The following SOCS5 variants were observed in gnomAD, a reference collection of about 807,000 sequenced individuals.
SOCS5 encodes the protein suppressor of cytokine signaling 5.
In SOCS5, 32 loss-of-function variants were observed where a neutral mutation model predicts 42.8. The ratio of observed to expected loss-of-function variants is 0.75; its 90% CI spans 0.56 to 1.01. The LOEUF (loss-of-function observed/expected upper bound fraction) is 1.01, where lower values mean the gene tolerates loss of function less well. Ranked by LOEUF, SOCS5 falls within the 50% of genes least tolerant of loss-of-function variation. The pLI, the probability that SOCS5 is intolerant of heterozygous loss-of-function variation, is 0.00. For synonymous variants in SOCS5, 283 were observed against 229.6 expected, an observed-to-expected ratio of 1.23 and a Z score of -2.10; for missense variants, 627 against 653.0, an observed-to-expected ratio of 0.96 and a Z score of 0.43.
intron 1 of SOCS5, among the ~76,000 whole-genome samples, chr2:46,720,094 T>C (rs893274919): frequency 5.9e-5 from 9 of 152,208 alleles, no homozygotes; most frequent in Non-Finnish European, 1.2e-4. Context: ...AGTCTTATTA[T>C]TTAACCTGAG....
At chr2:46,753,434 A>G (rs1311826598) in intron 1 of SOCS5, among the ~76,000 whole-genome samples, 1 of 152,218 alleles carries the variant, frequency 6.6e-6, no homozygotes, top group African/African-American at 2.4e-5. Flanking sequence ...GCAATACATC[A>G]TAGAAGGGAT....
rs750001013 is a variant in SOCS5 at position 46,759,506 on chromosome 2, G to A, written c.976G>A (p.Glu326Lys). Residue 326 changes from glutamate to lysine, a missense_variant, in exon 2 of 2, where the codon GAG becomes AAG. Around this residue, in one of 3 missense-constraint regions of SOCS5, gnomAD observed 340 missense variants for 367.6 expected, o/e 0.92. Coordinates refer to ENST00000394861, the MANE Select transcript of SOCS5 (RefSeq NM_144949.3). ...AIPQANCDSE[E>K]DTTTLCLQSR... ...TCCACAAGCTAATTGTGACTCGGAA[G>A]AGGATACAACCACCCTGTGTTTGCA... 1 of 1,614,006 alleles carries A rather than the reference G, an allele frequency of 6.2e-7. No individual in the cohort carries two copies.
chr2:46,722,036 A>G (rs573570234), intron 1 of SOCS5, among the ~76,000 whole-genome samples: 3 of 152,120 alleles, frequency 2.0e-5, no homozygotes, highest in Non-Finnish European at 2.9e-5. Context: ...TCTAGTATGA[A>G]TATATAATCT....
chr2:46,742,937 T>A, intron 1 of SOCS5, among the ~76,000 whole-genome samples: 1 of 152,164 alleles, frequency 6.6e-6, no homozygotes, highest in East Asian at 1.9e-4. Flanking sequence ...GTGCTGGGAT[T>A]ACAGGCATGA....
chr2:46,734,503 T>C (rs1673198894), intron 1 of SOCS5, among the ~76,000 whole-genome samples: 1 of 152,196 alleles, frequency 6.6e-6, no homozygotes, highest in African/African-American at 2.4e-5. Context: ...TAGTTCACTT[T>C]AATAGGCAGA....
At chr2:46,710,349 G>A (rs560669571) in intron 1 of SOCS5, among the ~76,000 whole-genome samples, 15 of 152,248 alleles carry the variant, frequency 9.9e-5, no homozygotes, top group African/African-American at 3.6e-4. Context: ...GTTTCACCAC[G>A]TTGGTTAGGC....
intron 1 of SOCS5, among the ~76,000 whole-genome samples, chr2:46,728,550 C>T (rs1420218352): frequency 6.6e-6 from 1 of 152,062 alleles, no homozygotes; most frequent in Non-Finnish European, 1.5e-5. Flanking sequence ...TAAATACAAG[C>T]AGGGATTTTT....
intron 1 of SOCS5, among the ~76,000 whole-genome samples, chr2:46,719,640 A>G (rs1257031635): frequency 3.3e-5 from 5 of 152,190 alleles, no homozygotes; most frequent in South Asian, 2.1e-4. Flanking sequence ...TCTTAAGCAT[A>G]TGGACCTGGT....
intron 1 of SOCS5, among the ~76,000 whole-genome samples, chr2:46,703,831 C>G (rs951558956): frequency 2.6e-5 from 4 of 152,152 alleles, no homozygotes; most frequent in African/African-American, 7.2e-5. Flanking sequence ...AGTCAGCCAG[C>G]TATCCTACTT....
chr2:46,742,958 C>G (rs564714388), intron 1 of SOCS5, among the ~76,000 whole-genome samples: 1 of 152,218 alleles, frequency 6.6e-6, no homozygotes, highest in African/African-American at 2.4e-5. Context: ...GGTTCCACGC[C>G]TGGCCTGTTT....
intron 1 of SOCS5, among the ~76,000 whole-genome samples, chr2:46,731,122 C>T (rs1383565237): frequency 6.6e-6 from 1 of 152,194 alleles, no homozygotes; most frequent in African/African-American, 2.4e-5. Context: ...GAAAGGGCTG[C>T]TGTAGACTGA....
chr2:46,708,942 A>G (rs575842437), intron 1 of SOCS5, among the ~76,000 whole-genome samples: 22 of 125,932 alleles, frequency 1.7e-4, no homozygotes, highest in Non-Finnish European at 2.8e-4. Flanking sequence ...GCTGGTATGC[A>G]GTGGTGCCAT....
chr2:46,733,972 T>C (rs937983249), intron 1 of SOCS5, among the ~76,000 whole-genome samples: 1 of 152,254 alleles, frequency 6.6e-6, no homozygotes, highest in Non-Finnish European at 1.5e-5. Flanking sequence ...AGTAACTATT[T>C]ATTAAAAGAC....
intron 1 of SOCS5, among the ~76,000 whole-genome samples, chr2:46,702,163 G>C (rs988940656): frequency 6.6e-6 from 1 of 152,102 alleles, no homozygotes; most frequent in African/African-American, 2.4e-5. Context: ...TACATAGAAA[G>C]GGTACAGCAA....
intron 1 of SOCS5, among the ~76,000 whole-genome samples, chr2:46,738,757 A>T (rs1222607009): frequency 6.6e-6 from 1 of 151,982 alleles, no homozygotes; most frequent in South Asian, 2.1e-4. Context: ...GTCAAATAAA[A>T]TTTTTTTCCC....
chr2:46,719,261 A>G (rs541787862), intron 1 of SOCS5, among the ~76,000 whole-genome samples: 1 of 152,316 alleles, frequency 6.6e-6, no homozygotes, highest in South Asian at 2.1e-4. Context: ...ATTTTTGCAG[A>G]TACTTTAGCT....
At chr2:46,758,461 T>C in intron 1 of SOCS5, 58 bp from the exon 2 acceptor site, 2 of 1,234,112 alleles carry the variant, frequency 1.6e-6, no homozygotes, top group Non-Finnish European at 2.3e-6. Context: ...CTGCCTTAGC[T>C]ACCTTCACAT....
intron 1 of SOCS5, among the ~76,000 whole-genome samples, chr2:46,721,273 T>G (rs566816196): frequency 6.6e-6 from 1 of 152,262 alleles, no homozygotes; most frequent in African/African-American, 2.4e-5. Flanking sequence ...TTATGCACAG[T>G]CTTGGTGTCT....
At chr2:46,720,637 G>A (rs761247414) in intron 1 of SOCS5, among the ~76,000 whole-genome samples, 17 of 152,138 alleles carry the variant, frequency 1.1e-4, no homozygotes, top group Non-Finnish European at 2.4e-4. Flanking sequence ...TGTGGTTAGT[G>A]TTTGTAATTC....
Sources: allele counts gnomAD v4.1 joint callset (sites outside exome capture counted in the v4.1 genomes callset), GRCh38; gene constraint gnomAD v4.1.1; regional missense constraint gnomAD v4.1.1; transcripts MANE v1.5; gene names NCBI Gene and HGNC (gene_info 2026-07-23, HGNC 2026-07-21).